The following MLXIP variants were observed in gnomAD, a reference collection of about 807,000 sequenced individuals.
MLXIP encodes the protein MLX interacting protein, also known as MLX-interacting protein.
Under a neutral mutation model 87.2 loss-of-function variants are expected in MLXIP, and 30 were observed. The observed-to-expected ratio is 0.34, with a 90% CI of 0.26 to 0.47. The LOEUF is 0.47. Among genes scored for constraint, MLXIP ranks in the 20% least tolerant of loss-of-function variants. MLXIP has a pLI of 1.00. For missense variants in MLXIP, 1,002 were observed against 1,240.1 expected (o/e 0.81, Z 2.88); for synonymous variants, 530 against 514.0 (o/e 1.03, Z -0.42).
chr12:122,094,240 G>A (rs1369536882), intron 1 of MLXIP, among the ~76,000 whole-genome samples: 1 of 102,088 alleles, frequency 9.8e-6, no homozygotes, highest in Non-Finnish European at 2.2e-5. Context: ...GGTGTCTGGT[G>A]TGGTATTGGT....
At chr12:122,120,586 A>C (rs1206994992) in intron 1 of MLXIP, among the ~76,000 whole-genome samples, 1 of 152,184 alleles carries the variant, frequency 6.6e-6, no homozygotes, top group Non-Finnish European at 1.5e-5. Flanking sequence ...AAAATGGTTA[A>C]AATGGTAAAT....
At chr12:122,113,959 A>G (rs1478200587) in intron 1 of MLXIP, among the ~76,000 whole-genome samples, 6 of 149,856 alleles carry the variant, frequency 4.0e-5, no homozygotes, top group Non-Finnish European at 7.4e-5. Context: ...TGCTGGGATT[A>G]CAGGCGTGAG....
chr12:122,097,761 C>T (rs1311872016), intron 1 of MLXIP, among the ~76,000 whole-genome samples: 1 of 152,154 alleles, frequency 6.6e-6, no homozygotes, highest in Non-Finnish European at 1.5e-5. Flanking sequence ...GGTGGAATGC[C>T]TGCTCCCAGC....
rs147577767 is a variant in MLXIP at position 122,129,396 on chromosome 12, C to T, written c.696+170C>T. ...CAGACTAGCCTGGGCAATGGCCTGC[C>T]TCGGTCAGGTTGTCTTTGCTCTCAG... On this transcript the variant is annotated intron_variant, in intron 4 of 16. Transcript: ENST00000319080. Among the ~76,000 whole-genome samples, 1,214 of 152,352 alleles carry T rather than the reference C, an allele frequency of 8.0e-3. 17 individuals carry two copies. Among genetic ancestry groups the T allele is most frequent in the African/African-American group, 0.027 (1,143 of 41,566 alleles).
At chr12:122,123,160 C>A (rs890193878) in intron 1 of MLXIP, among the ~76,000 whole-genome samples, 1 of 152,168 alleles carries the variant, frequency 6.6e-6, no homozygotes, top group African/African-American at 2.4e-5. Flanking sequence ...GGGCATGAGT[C>A]GTCCAGGGTG....
At chr12:122,132,184 A>G in intron 7 of MLXIP, 108 bp from the exon 8 acceptor site, 1 of 787,410 alleles carries the variant, frequency 1.3e-6, no homozygotes, top group East Asian at 2.8e-5. Context: ...GGCCTCCCAA[A>G]GTGCTGGGAT....
At position 122,138,118 on chromosome 12, in the gene MLXIP, C is replaced by G. The variant is rs969867668; in HGVS notation, c.2155-76C>G. 4.6e-6 allele frequency: 6 copies of G among 1,314,788 alleles called. No homozygotes were observed. The African/African-American group carries it at 8.8e-5, about 19-fold the overall frequency. The allele number at this position is 1,314,788 out of a possible 1,614,324, so 81.4% of individuals were successfully genotyped here. On this transcript the variant is annotated intron_variant, in intron 12 of 16. Transcript: ENST00000319080. ...GCCCTGGCCCTTGGGCACCCAGGAT[C>G]AGCGTAGGGGGTGAGGAAGGGTGGA... is the stretch of plus-strand genomic sequence containing the variant.
intron 1 of MLXIP, among the ~76,000 whole-genome samples, chr12:122,117,847 TAAC>T (rs912697775): frequency 7.9e-5 from 12 of 152,192 alleles, no homozygotes; most frequent in African/African-American, 2.9e-4. Flanking sequence ...AGTAAGAGAT[TAAC>T]AACAATAATA....
intron 1 of MLXIP, among the ~76,000 whole-genome samples, chr12:122,085,073 A>G (rs1952146248): frequency 6.6e-6 from 1 of 152,014 alleles, no homozygotes; most frequent in African/African-American, 2.4e-5. Context: ...GTTAGAGGAG[A>G]GTGCAAATGC....
Position 122,138,550 on chromosome 12 carries a change from A to G in MLXIP, c.2383A>G (p.Ile795Val). 1 of 1,610,486 alleles carries G rather than the reference A, an allele frequency of 6.2e-7. No individual in the cohort carries two copies. ...EEIEELNATI[I>V]SCQQLLPATG... ...GATCGAGGAGCTCAATGCCACCATC[A>G]TGTGAGCTTCTGGGCCTTGGGGCTC... Residue 795 changes from isoleucine to valine, a missense_variant and splice_region_variant, in exon 14 of 17, where the codon ATC becomes GTC. Physicochemically the swap from Ile to Val is conservative, Grantham distance 29. Coordinates refer to ENST00000319080, the MANE Select transcript of MLXIP (RefSeq NM_014938.6).
intron 1 of MLXIP, among the ~76,000 whole-genome samples, chr12:122,116,088 A>ACACACACACACAC (rs1565973946): frequency 6.9e-6 from 1 of 145,940 alleles, no homozygotes; most frequent in African/African-American, 2.5e-5. Context: ...ACACACACAC[A>ACACACACACACAC]ACATTGACAT....
intron 7 of MLXIP, among the ~76,000 whole-genome samples, chr12:122,132,064 C>T (rs138285165): frequency 6.6e-6 from 1 of 152,050 alleles, no homozygotes; most frequent in East Asian, 1.9e-4. Context: ...GCTGGGACTA[C>T]AGGCATGTGC....
chr12:122,098,044 A>G (rs570431859), intron 1 of MLXIP, among the ~76,000 whole-genome samples: 23 of 152,350 alleles, frequency 1.5e-4, no homozygotes, highest in Non-Finnish European at 2.5e-4. Flanking sequence ...CTGTATTTGC[A>G]GAGGAGCTGG....
intron 1 of MLXIP, among the ~76,000 whole-genome samples, chr12:122,090,390 G>A (rs1039097472): frequency 5.9e-5 from 9 of 151,940 alleles, no homozygotes; most frequent in African/African-American, 1.9e-4. Flanking sequence ...CCAGCTACTC[G>A]GGAGGCTGAG....
At chr12:122,103,424 A>G (rs1026165389) in intron 1 of MLXIP, among the ~76,000 whole-genome samples, 1 of 151,276 alleles carries the variant, frequency 6.6e-6, no homozygotes, top group African/African-American at 2.4e-5. Context: ...GGGATTTACC[A>G]TGTTGGCCAG....
chr12:122,094,197 GTTGGTGTGTGGA>G (rs1952304205), intron 1 of MLXIP, among the ~76,000 whole-genome samples: 2 of 40,654 alleles, frequency 4.9e-5, no homozygotes. Context: ...TGTTGTGTGT[GTTGGTGTGTGGA>G]GTGTGTGGGT....
In MLXIP at chr12:122,144,918, C is replaced by G. The variant is rs1009067309; in HGVS notation, c.*3106C>G. ...AAAAAGAAGAAAAAAATAGAAAATC[C>G]AAAAAGAAAAACCAGAAGGCCTGCT... On this transcript the variant is annotated 3_prime_UTR_variant, in exon 17 of 17. Transcript: ENST00000319080. 7.2e-5 allele frequency: 11 copies of G among 152,132 alleles called. No homozygotes were observed. The highest frequency in any genetic ancestry group is 2.7e-4 in the African/African-American group (11 of 41,392). 9.4% of individuals were successfully genotyped at this position (152,132 alleles called of 1,614,324 possible).
Position 122,141,743 on chromosome 12 carries a change from C to T in MLXIP, c.2691C>T (p.Asp897=), listed in dbSNP as rs746420570. 3 of 1,613,778 alleles carry T rather than the reference C, an allele frequency of 1.9e-6. No individual in the cohort carries two copies. Among genetic ancestry groups the T allele is most frequent in the East Asian group, 2.2e-5 (1 of 44,898 alleles). Residue 897 remains aspartate (D), a synonymous_variant, in exon 17 of 17, where the codon GAC becomes GAT. Coordinates refer to ENST00000319080, the MANE Select transcript of MLXIP (RefSeq NM_014938.6). ...GCACCTCCACCTCCATCCTCACAGA[C>T]CCGGCACAGCTGCCAGAGCAGGCGT... ...QLSTSTSILT[D]PAQLPEQASK... is the part of the protein sequence containing the mutation.
At chr12:122,141,199 C>T (rs76105908) in intron 16 of MLXIP, 116 bp downstream of exon 16, 10 of 1,414,444 alleles carry the variant, frequency 7.1e-6, no homozygotes, top group Admixed American at 2.4e-5. Context: ...GGGGCCGGGG[C>T]AGGGGCACAG....
Sources: gnomAD v4.1 joint callset for allele counts (sites outside exome capture counted in the v4.1 genomes callset) on GRCh38, gnomAD v4.1.1 for gene constraint, MANE v1.5 for transcripts, NCBI Gene and HGNC (gene_info 2026-07-23, HGNC 2026-07-21) for gene names.